The following MYO18B variants were observed in gnomAD, a reference collection of about 807,000 sequenced individuals.
The protein encoded by MYO18B is unconventional myosin-XVIIIb.
In MYO18B, 204 loss-of-function variants were observed where a neutral mutation model predicts 273.0. The observed-to-expected ratio is 0.75, with a 90% CI of 0.67 to 0.84. MYO18B has a LOEUF of 0.84. Ranked by LOEUF, MYO18B falls within the 40% of genes least tolerant of loss-of-function variation. The pLI, the probability that MYO18B is intolerant of heterozygous loss-of-function variation, is 0.00. For synonymous variants in MYO18B, 1,330 were observed against 1,305.7 expected, an observed-to-expected ratio of 1.02 and a Z score of -0.40; for missense variants, 3,212 against 3,287.6, an observed-to-expected ratio of 0.98 and a Z score of 0.56.
At chr22:25,765,385 CAAG>C (rs1384795041) in intron 3 of MYO18B, among the ~76,000 whole-genome samples, 1 of 152,178 alleles carries the variant, frequency 6.6e-6, no homozygotes, top group Non-Finnish European at 1.5e-5. Flanking sequence ...CTAATCCTTG[CAAG>C]AAGCCATTAG....
At chr22:25,902,842 G>T (rs761044023) in intron 30 of MYO18B, 106 bp downstream of exon 30, 18 of 1,285,730 alleles carry the variant, frequency 1.4e-5, no homozygotes, top group Non-Finnish European at 1.9e-5. Context: ...ACTTCACAAG[G>T]GTATCCTGGT....
In MYO18B at chr22:25,936,696, G is replaced by A. The variant is rs557744825; in HGVS notation, c.5518-9441G>A. 2.6e-5 allele frequency among the ~76,000 whole-genome samples: 4 copies of A among 152,242 alleles called. No individual in the cohort carries two copies. The East Asian group carries it at 7.7e-4, about 29-fold the overall frequency. The stretch of plus-strand genomic sequence containing the variant: ...ACAGACATTTATTTATTATAGTTCT[G>A]GAGGCTGGAAGTCTGAGATCAGGGT... On this transcript the variant is annotated intron_variant, in intron 34 of 43. Transcript: ENST00000335473.
chr22:25,806,125 G>C (rs1253257779), intron 12 of MYO18B, among the ~76,000 whole-genome samples: 1 of 152,182 alleles, frequency 6.6e-6, no homozygotes, highest in African/African-American at 2.4e-5. Flanking sequence ...TATTTACTGA[G>C]CCATGTGACT....
the MYO18B span, among the ~76,000 whole-genome samples, chr22:26,061,434 G>C: frequency 6.6e-6 from 1 of 151,816 alleles, no homozygotes; most frequent in Non-Finnish European, 1.5e-5. Context: ...TTTGAATACT[G>C]GGTGGCTGTG....
At chr22:25,956,030 C>T (rs1174975950) in intron 39 of MYO18B, among the ~76,000 whole-genome samples, 1 of 152,022 alleles carries the variant, frequency 6.6e-6, no homozygotes, top group Non-Finnish European at 1.5e-5. Context: ...TCTTGATGTC[C>T]CTTAAAAAGG....
chr22:25,773,832 G>T (rs188797996), intron 7 of MYO18B, among the ~76,000 whole-genome samples: 1 of 152,308 alleles, frequency 6.6e-6, no homozygotes, highest in East Asian at 1.9e-4. Flanking sequence ...AGTCCCTACT[G>T]GGGTTTTTAG....
At chr22:25,929,681 T>C (rs1157466003) in intron 34 of MYO18B, among the ~76,000 whole-genome samples, 2 of 152,180 alleles carry the variant, frequency 1.3e-5, no homozygotes, top group African/African-American at 2.4e-5. Flanking sequence ...CTGGGGGCTG[T>C]ATTCACCTCT....
At chr22:25,830,126 T>C (rs1209782759) in intron 15 of MYO18B, among the ~76,000 whole-genome samples, 1 of 152,082 alleles carries the variant, frequency 6.6e-6, no homozygotes, top group Non-Finnish European at 1.5e-5. Context: ...GTTCCAGTCA[T>C]TTTTTTGGTT....
At chr22:25,767,173 G>A (rs1270676884) in intron 3 of MYO18B, among the ~76,000 whole-genome samples, 1 of 152,226 alleles carries the variant, frequency 6.6e-6, no homozygotes, top group African/African-American at 2.4e-5. Flanking sequence ...TGGAGGCACA[G>A]CTGGACCTGT....
At chr22:25,951,696 T>A (rs1474084011) in intron 37 of MYO18B, among the ~76,000 whole-genome samples, 2 of 152,206 alleles carry the variant, frequency 1.3e-5, no homozygotes, top group African/African-American at 4.8e-5. Context: ...CTGCTTAAAG[T>A]GACTGTTGGA....
chr22:25,902,568 GC>G (rs771301560), intron 29 of MYO18B, 44 bp from the exon 30 acceptor site: 1 of 1,580,186 alleles, frequency 6.3e-7, no homozygotes, highest in Admixed American at 1.8e-5. Context: ...TCACTCCCCT[GC>G]CCACCTGCCT....
At chr22:26,013,794 G>A (rs894992061) in intron 42 of MYO18B, among the ~76,000 whole-genome samples, 1 of 151,904 alleles carries the variant, frequency 6.6e-6, no homozygotes, top group Non-Finnish European at 1.5e-5. Context: ...ATCTTCATTC[G>A]AATATCCTCT....
intron 34 of MYO18B, among the ~76,000 whole-genome samples, chr22:25,940,497 A>T (rs959584925): frequency 6.6e-6 from 1 of 152,184 alleles, no homozygotes; most frequent in Non-Finnish European, 1.5e-5. Context: ...ACTAATACGC[A>T]TGGGAAAAAT....
At chr22:26,019,601 T>G (rs1569300801) in intron 42 of MYO18B, among the ~76,000 whole-genome samples, 1 of 152,232 alleles carries the variant, frequency 6.6e-6, no homozygotes, top group Non-Finnish European at 1.5e-5. Context: ...AGACTCTCTG[T>G]TGTTATTTTG....
chr22:25,769,538 G>A (rs772687352), intron 4 of MYO18B, 110 bp downstream of exon 4: 34 of 1,028,110 alleles, frequency 3.3e-5, no homozygotes, highest in Non-Finnish European at 4.7e-5. Context: ...CGGGGGGTGG[G>A]CAGGGAATTG....
In MYO18B at chr22:26,009,886, C is replaced by T. The variant is rs543351360; in HGVS notation, c.6470+5031C>T. 7.0e-4 allele frequency among the ~76,000 whole-genome samples: 107 copies of T among 152,216 alleles called. 1 individual carries two copies. Among genetic ancestry groups the T allele is most frequent in the Middle Eastern group, 3.4e-3 (1 of 294 alleles). On this transcript the variant is annotated intron_variant, in intron 42 of 43. Transcript: ENST00000335473. ...CAGGTGACCCCCAAATACAGATGAA[C>T]GTCTTTATATTCTCCCAAGTTTTAA...
chr22:26,009,303 C>G (rs985609350), intron 42 of MYO18B, among the ~76,000 whole-genome samples: 1 of 152,180 alleles, frequency 6.6e-6, no homozygotes, highest in South Asian at 2.1e-4. Context: ...CCCTAAAACA[C>G]TCTGATTCAT....
chr22:25,781,165 ATTG>A (rs1414041944), intron 9 of MYO18B, among the ~76,000 whole-genome samples: 2 of 152,194 alleles, frequency 1.3e-5, no homozygotes, highest in Non-Finnish European at 2.9e-5. Flanking sequence ...GCCTCATTTG[ATTG>A]TTATTACCTT....
At chr22:25,751,570 C>A (rs1333927893) in intron 1 of MYO18B, among the ~76,000 whole-genome samples, 1 of 152,206 alleles carries the variant, frequency 6.6e-6, no homozygotes, top group African/African-American at 2.4e-5. Flanking sequence ...AGGAGTCAGG[C>A]ACACCTTGGG....
Sources: gnomAD v4.1 joint callset for allele counts (sites outside exome capture counted in the v4.1 genomes callset) on GRCh38, gnomAD v4.1.1 for gene constraint, MANE v1.5 for transcripts, NCBI Gene and HGNC (gene_info 2026-07-23, HGNC 2026-07-21) for gene names.